The following NR2C2 variants were observed in gnomAD, a reference collection of about 807,000 sequenced individuals.
The protein encoded by NR2C2 is Nuclear hormone receptor TR4.
A neutral mutation model predicts 62.9 loss-of-function variants in NR2C2; 6 were observed. The ratio of observed to expected loss-of-function variants is 0.10; its 90% CI spans 0.05 to 0.19. The LOEUF is 0.19. NR2C2 is among the 10% of genes least tolerant of loss of function. The pLI, the probability that NR2C2 is intolerant of heterozygous loss-of-function variation, is 1.00. For synonymous variants in NR2C2, 272 were observed against 273.8 expected (o/e 0.99, Z 0.07); for missense variants, 479 against 762.7 (o/e 0.63, Z 4.38).
chr3:15,016,146 T>C lies in NR2C2; in HGVS notation c.274-6T>C. On this transcript the variant is annotated splice_polypyrimidine_tract_variant and splice_region_variant and intron_variant, in intron 3 of 13. Coordinates refer to ENST00000425241, the MANE Select transcript of NR2C2 (RefSeq NM_001291694.2). ...GCACCCCTGTTCGTTTCCTGATTTC[T>C]CTCAGATTGTCACGGATTCTGCCTC... 2 of 1,611,952 alleles carry C rather than the reference T, an allele frequency of 1.2e-6. No homozygotes were observed. The highest frequency in any genetic ancestry group is 1.7e-6 in the Non-Finnish European group (2 of 1,178,110).
At chr3:14,971,332 G>A (rs2040032698) in intron 1 of NR2C2, among the ~76,000 whole-genome samples, 1 of 151,508 alleles carries the variant, frequency 6.6e-6, no homozygotes, top group South Asian at 2.1e-4. Context: ...TGGCCAAGCT[G>A]GTCTCAAACT....
chr3:14,973,768 CT>C (rs200840641), intron 1 of NR2C2, among the ~76,000 whole-genome samples: 2 of 151,264 alleles, frequency 1.3e-5, no homozygotes, highest in African/African-American at 4.9e-5. Context: ...GCTCTCTCTC[CT>C]TTTTTTTTCC....
At chr3:14,967,831 C>T (rs1292584782) in intron 1 of NR2C2, among the ~76,000 whole-genome samples, 3 of 152,128 alleles carry the variant, frequency 2.0e-5, no homozygotes, top group African/African-American at 7.2e-5. Flanking sequence ...AGAAATAATG[C>T]CGCATATCTA....
At chr3:15,036,198 CA>C (rs983010127) in intron 11 of NR2C2, among the ~76,000 whole-genome samples, 3 of 148,090 alleles carry the variant, frequency 2.0e-5, no homozygotes, top group Non-Finnish European at 3.0e-5. Context: ...AAAACAAAAA[CA>C]AAAAAAAAAC....
At chr3:14,977,570 T>C (rs1210707033) in intron 1 of NR2C2, among the ~76,000 whole-genome samples, 1 of 152,182 alleles carries the variant, frequency 6.6e-6, no homozygotes, top group African/African-American at 2.4e-5. Flanking sequence ...CTTTCTTACA[T>C]AGTTGCTTTT....
chr3:15,012,331 T>C (rs1213416349), intron 2 of NR2C2, among the ~76,000 whole-genome samples: 1 of 151,942 alleles, frequency 6.6e-6, no homozygotes, highest in Non-Finnish European at 1.5e-5. Context: ...GTTCAAGCGA[T>C]TCTCGTGTCT....
Position 14,971,657 on chromosome 3 carries a change from T to G in NR2C2, c.-40+23751T>G, listed in dbSNP as rs2040043221. Among the ~76,000 whole-genome samples the G allele has an allele frequency of 2.0e-5, 3 of 151,600 alleles. No individual in the cohort carries two copies. In the South Asian group the frequency reaches 6.2e-4, roughly 31 times the overall value. On this transcript the variant is annotated intron_variant, in intron 1 of 13. Coordinates refer to ENST00000425241, the MANE Select transcript of NR2C2 (RefSeq NM_001291694.2). ...TCCTCAACAACACGTTATTTGTTGT[T>G]TTGTTTTTTGATAAAAGCTACCCTA...
Position 14,983,491 on chromosome 3 carries a change from A to G in NR2C2, c.-39-20385A>G, listed in dbSNP as rs62240374. ...CACACACACACACACACACACACAC[A>G]CACATTCTTAGTTTGCTAACATTTT... On this transcript the variant is annotated intron_variant, in intron 1 of 13. Coordinates refer to ENST00000425241, the MANE Select transcript of NR2C2 (RefSeq NM_001291694.2). Among the ~76,000 whole-genome samples the G allele has an allele frequency of 6.6e-4, 100 of 151,604 alleles. 3 individuals are homozygous for G. Among genetic ancestry groups the G allele is most frequent in the East Asian group, 1.9e-3 (10 of 5,164 alleles).
intron 2 of NR2C2, among the ~76,000 whole-genome samples, chr3:15,009,050 A>G (rs1029402060): frequency 6.6e-6 from 1 of 151,676 alleles, no homozygotes; most frequent in Non-Finnish European, 1.5e-5. Flanking sequence ...GAGAAATCCC[A>G]TCTCTACTAA....
At position 15,013,733 on chromosome 3, in the gene NR2C2, A is replaced by G. The variant is rs1489442162; in HGVS notation, c.217A>G (p.Ser73Gly). The G allele has an allele frequency of 1.2e-6, 2 of 1,614,220 alleles. No homozygotes were observed. The highest frequency in any genetic ancestry group is 1.7e-6 in the Non-Finnish European group (2 of 1,180,028). Residue 73 changes from serine to glycine, a missense_variant, in exon 3 of 14, where the codon AGC becomes GGC. Ser to Gly is a moderately conservative substitution (Grantham distance 56). Coordinates refer to ENST00000425241, the MANE Select transcript of NR2C2 (RefSeq NM_001291694.2). ...KVILASPETS[S>G]AKQLIFTTSD... is the part of the protein sequence containing the mutation. ...GATCCTGGCTTCCCCAGAGACATCC[A>G]GCGCCAAGCAACTCATATTCACCAC... is the stretch of plus-strand genomic sequence containing the variant.
intron 1 of NR2C2, among the ~76,000 whole-genome samples, chr3:14,994,335 C>T (rs1170671740): frequency 3.3e-5 from 5 of 151,894 alleles, no homozygotes; most frequent in African/African-American, 7.3e-5. Flanking sequence ...AGAAGCTCTC[C>T]TTATGCCCCC....
chr3:14,989,872 C>T (rs1053127109), intron 1 of NR2C2, among the ~76,000 whole-genome samples: 3 of 128,596 alleles, frequency 2.3e-5, no homozygotes, highest in Non-Finnish European at 4.6e-5. Flanking sequence ...ATGGAGGTTG[C>T]AGTGAGCCGA....
intron 2 of NR2C2, among the ~76,000 whole-genome samples, chr3:15,006,447 G>A (rs1260632481): frequency 2.0e-5 from 3 of 152,018 alleles, no homozygotes; most frequent in Non-Finnish European, 2.9e-5. Flanking sequence ...TAAATTCTAT[G>A]TATACTATAG....
chr3:14,990,441 C>T (rs970888194), intron 1 of NR2C2, among the ~76,000 whole-genome samples: 21 of 152,174 alleles, frequency 1.4e-4, no homozygotes, highest in Admixed American at 1.3e-3. Context: ...AGGAACATGT[C>T]GATTTTGCTT....
At chr3:15,013,559 T>A (rs371030632) in intron 2 of NR2C2, 30 bp from the exon 3 acceptor site, 93 of 1,607,008 alleles carry the variant, frequency 5.8e-5, no homozygotes, top group Non-Finnish European at 7.4e-5. Flanking sequence ...TGACACTCCA[T>A]GAGAGCAGCC....
rs17040627 is a variant in NR2C2, at chr3:14,991,474, G to A, written c.-39-12402G>A. 2.6e-3 allele frequency among the ~76,000 whole-genome samples: 402 copies of A among 152,272 alleles called. 2 individuals carry two copies. The highest frequency in any genetic ancestry group is 9.1e-3 in the African/African-American group (380 of 41,548). ...GTGGTACATTTCAGTTCAAGCTGGAGGTGTCCCCTGCCTAACACCCTTTAC... is the reference window on the plus strand; with the variant it reads ...GTGGTACATTTCAGTTCAAGCTGGAAGTGTCCCCTGCCTAACACCCTTTAC... On this transcript the variant is annotated intron_variant, in intron 1 of 13. Transcript: ENST00000425241.
chr3:14,997,643 A>G (rs1433029001), intron 1 of NR2C2, among the ~76,000 whole-genome samples: 1 of 152,126 alleles, frequency 6.6e-6, no homozygotes, highest in Non-Finnish European at 1.5e-5. Context: ...GAGCTAATCC[A>G]TATTTTTTAA....
At chr3:15,036,146 T>C (rs576964281) in intron 11 of NR2C2, among the ~76,000 whole-genome samples, 131 of 151,506 alleles carry the variant, frequency 8.6e-4, no homozygotes, top group African/African-American at 2.8e-3. Flanking sequence ...GCCGAGACTG[T>C]GCCACTGCAC....
intron 8 of NR2C2, among the ~76,000 whole-genome samples, chr3:15,029,792 A>AAGAGATAGATAG (rs2041918679): frequency 7.2e-6 from 1 of 139,194 alleles, no homozygotes; most frequent in East Asian, 2.1e-4. Context: ...GTAAATAAAT[A>AAGAGATAGATAG]ATAGATAGAT....
Sources: gnomAD v4.1 joint callset for allele counts (sites outside exome capture counted in the v4.1 genomes callset) on GRCh38, gnomAD v4.1.1 for gene constraint, MANE v1.5 for transcripts, NCBI Gene and HGNC (gene_info 2026-07-23, HGNC 2026-07-21) for gene names.